The following KDM4C variants were observed in gnomAD, a reference collection of about 807,000 sequenced individuals.
KDM4C encodes the protein lysine-specific demethylase 4C.
In KDM4C, 81 loss-of-function variants were observed where a neutral mutation model predicts 129.3. The observed-to-expected ratio is 0.63, with a 90% CI of 0.52 to 0.75. The LOEUF is 0.75. Among genes scored for constraint, KDM4C ranks in the 30% least tolerant of loss-of-function variants. The pLI is 0.00. For missense variants in KDM4C, 1,457 were observed against 1,304.0 expected (o/e 1.12, Z -1.81); for synonymous variants, 573 against 456.1 (o/e 1.26, Z -3.26).
intron 8 of KDM4C, among the ~76,000 whole-genome samples, chr9:6,930,516 C>T (rs1036482232): frequency 7.7e-5 from 11 of 142,818 alleles, no homozygotes; most frequent in Non-Finnish European, 1.7e-4. Context: ...TAAATATGTA[C>T]ATATATAATA....
At chr9:6,754,383 T>C (rs1182383393), upstream of KDM4C, among the ~76,000 whole-genome samples, 1 of 151,882 alleles carries the variant, frequency 6.6e-6, no homozygotes, top group African/African-American at 2.4e-5. Flanking sequence ...CAGCTAATTT[T>C]TGTATTTTTA....
At chr9:7,024,174 T>C (rs886130802) in intron 15 of KDM4C, among the ~76,000 whole-genome samples, 3 of 150,260 alleles carry the variant, frequency 2.0e-5, no homozygotes, top group African/African-American at 4.9e-5. Context: ...TTACGTGTGA[T>C]ATTTCTTTGT....
chr9:6,932,240 G>C (rs529020217), intron 8 of KDM4C, among the ~76,000 whole-genome samples: 2 of 152,328 alleles, frequency 1.3e-5, no homozygotes, highest in Non-Finnish European at 2.9e-5. Flanking sequence ...TCAGAACAGA[G>C]TGGAAGCCGG....
intron 17 of KDM4C, among the ~76,000 whole-genome samples, chr9:7,077,489 C>T (rs1834057669): frequency 6.6e-6 from 1 of 152,108 alleles, no homozygotes; most frequent in South Asian, 2.1e-4. Context: ...AGTAATCTTC[C>T]AACAACTCTT....
intron 6 of KDM4C, among the ~76,000 whole-genome samples, chr9:6,883,074 C>G (rs1189501931): frequency 6.6e-6 from 1 of 152,110 alleles, no homozygotes; most frequent in African/African-American, 2.4e-5. Context: ...CCACTGCTGT[C>G]AAGAGAATAG....
chr9:6,925,072 C>G, intron 8 of KDM4C: 2 of 985,358 alleles, frequency 2.0e-6, no homozygotes, highest in Middle Eastern at 5.2e-4. Flanking sequence ...AAACATGCAT[C>G]CTTTTTAAAA....
chr9:6,788,653 C>T (rs1315759094), intron 1 of KDM4C, among the ~76,000 whole-genome samples: 1 of 152,182 alleles, frequency 6.6e-6, no homozygotes, highest in Non-Finnish European at 1.5e-5. Flanking sequence ...TACTGTGAGC[C>T]AGGCTGGGGT....
chr9:6,750,209 G>A (rs148744286), intron 1 of KDM4C, among the ~76,000 whole-genome samples: 3,318 of 151,924 alleles, frequency 0.022, 142 homozygotes, highest in African/African-American at 0.076. Flanking sequence ...GGGAGGCTGA[G>A]GTGGGCGGAT....
At chr9:7,073,497 G>A (rs565928951) in intron 17 of KDM4C, among the ~76,000 whole-genome samples, 3 of 152,328 alleles carry the variant, frequency 2.0e-5, no homozygotes, top group South Asian at 4.1e-4. Flanking sequence ...CTTTGTGGTG[G>A]TAGCTTCCCG....
chr9:7,094,065 G>C (rs1836124535), intron 17 of KDM4C, among the ~76,000 whole-genome samples: 1 of 152,220 alleles, frequency 6.6e-6, no homozygotes, highest in African/African-American at 2.4e-5. Flanking sequence ...GCTTCATGAG[G>C]AATAGGTGCT....
At chr9:6,930,100 G>C (rs1457161725) in intron 8 of KDM4C, among the ~76,000 whole-genome samples, 2 of 152,232 alleles carry the variant, frequency 1.3e-5, no homozygotes, top group South Asian at 4.2e-4. Context: ...CACACTCCTT[G>C]GTGCTATGCT....
In KDM4C at chr9:6,980,912, G is replaced by A. The variant is rs771971840; in HGVS notation, c.922-13G>A. On this transcript the variant is annotated splice_polypyrimidine_tract_variant and intron_variant, in intron 8 of 21. Coordinates refer to ENST00000381309, the MANE Select transcript of KDM4C (RefSeq NM_015061.6). ...CGAAACGTTTAACACTCTCCAACCC[G>A]GTTGTGTTTCAGTGCACTTGCAGGA... 9 of 1,612,798 alleles carry A rather than the reference G, an allele frequency of 5.6e-6. No individual in the cohort carries two copies. Among genetic ancestry groups the A allele is most frequent in the South Asian group, 1.1e-5 (1 of 90,906 alleles).
chr9:6,800,622 A>G (rs1458561969), intron 2 of KDM4C, among the ~76,000 whole-genome samples: 1 of 145,986 alleles, frequency 6.8e-6, no homozygotes, highest in Non-Finnish European at 1.5e-5. Flanking sequence ...TTATTTTTTA[A>G]TTTATTTTTA....
In KDM4C at chr9:6,965,613, C is replaced by G. The variant is rs116162241; in HGVS notation, c.922-15312C>G. On this transcript the variant is annotated intron_variant, in intron 8 of 21. Coordinates refer to ENST00000381309, the MANE Select transcript of KDM4C (RefSeq NM_015061.6). ...ATGTACTTTTCTGTCTGAGAGCTGG[C>G]ATTCTTGAGACCCAAGCAAAACCTG... Among the ~76,000 whole-genome samples the G allele has an allele frequency of 3.3e-3, 496 of 152,306 alleles. 2 individuals are homozygous for G. Among genetic ancestry groups the G allele is most frequent in the African/African-American group, 0.011 (443 of 41,560 alleles).
At chr9:7,004,406 C>A (rs1455535750) in intron 12 of KDM4C, among the ~76,000 whole-genome samples, 1 of 152,100 alleles carries the variant, frequency 6.6e-6, no homozygotes, top group Non-Finnish European at 1.5e-5. Context: ...CCTCTTTATT[C>A]CAGACATTTA....
chr9:6,953,978 CCT>C (rs1164442034), intron 8 of KDM4C, among the ~76,000 whole-genome samples: 1 of 152,166 alleles, frequency 6.6e-6, no homozygotes, highest in Non-Finnish European at 1.5e-5. Context: ...ACCTTTTCAG[CCT>C]CTCTGAGGTT....
At chr9:6,792,115 C>A in intron 1 of KDM4C, among the ~76,000 whole-genome samples, 1 of 152,000 alleles carries the variant, frequency 6.6e-6, no homozygotes, top group Non-Finnish European at 1.5e-5. Flanking sequence ...CAGAGGCTGG[C>A]GGATTGGCTG....
At chr9:6,866,999 GTATA>G (rs1180539811) in intron 5 of KDM4C, among the ~76,000 whole-genome samples, 17 of 55,134 alleles carry the variant, frequency 3.1e-4, no homozygotes, top group African/African-American at 1.3e-3. Flanking sequence ...GTGTGTGTGT[GTATA>G]TATATATATA....
At chr9:7,113,740 A>T (rs900105119) in intron 18 of KDM4C, among the ~76,000 whole-genome samples, 6 of 152,214 alleles carry the variant, frequency 3.9e-5, no homozygotes, top group Non-Finnish European at 1.5e-5. Context: ...CGAGCATTTG[A>T]TGAGCTCCTA....
Sources: allele counts gnomAD v4.1 joint callset (sites outside exome capture counted in the v4.1 genomes callset), GRCh38; gene constraint gnomAD v4.1.1; transcripts MANE v1.5; gene names NCBI Gene and HGNC (gene_info 2026-07-23, HGNC 2026-07-21).